Variants in CRY1 observed in about 807,000 individuals in gnomAD.
CRY1 encodes cryptochrome-1.
CRY1 carries 45 observed loss-of-function variants against 76.0 expected under a neutral mutation model. The ratio of observed to expected loss-of-function variants is 0.59; its 90% CI spans 0.47 to 0.76. CRY1 has a LOEUF of 0.76. CRY1 is among the 30% of genes least tolerant of loss of function. The probability of loss-of-function intolerance (pLI) is 0.00; values close to 1 mark genes in which losing one functional copy is unlikely to be tolerated. For missense variants in CRY1, 587 were observed against 716.4 expected (o/e 0.82, Z 2.06); for synonymous variants, 248 against 244.0 (o/e 1.02, Z -0.15).
At chr12:107,043,490 T>C (rs1952821076) in intron 1 of CRY1, among the ~76,000 whole-genome samples, 1 of 152,118 alleles carries the variant, frequency 6.6e-6, no homozygotes, top group Admixed American at 6.5e-5. Context: ...CCTCTGGGAA[T>C]AGGTGCCTTG....
At position 107,001,924 on chromosome 12, in the gene CRY1, T is replaced by C. The variant is rs542752327; in HGVS notation, c.435A>G (p.Gln145=). The C allele has an allele frequency of 7.5e-6, 12 of 1,597,238 alleles. No homozygotes were observed. Among genetic ancestry groups the C allele is most frequent in the East Asian group, 6.8e-5 (3 of 43,832 alleles). Residue 145 remains glutamine, a synonymous_variant, in exon 4 of 13, where the codon CAA becomes CAG. Transcript: ENST00000008527. ...GGAATCTTTTATAAGTTAGAGGCGG[T>C]TGTCCACCATTGAGTTCTATGATCC... ...LDKIIELNGG[Q]PPLTYKRFQT...
intron 1 of CRY1, among the ~76,000 whole-genome samples, chr12:107,064,229 T>C (rs541923593): frequency 6.6e-6 from 1 of 152,118 alleles, no homozygotes; most frequent in South Asian, 2.1e-4. Context: ...AGAGAGACAA[T>C]ATCCAGAATA....
At chr12:107,019,421 T>C (rs1356537392) in intron 2 of CRY1, among the ~76,000 whole-genome samples, 2 of 152,178 alleles carry the variant, frequency 1.3e-5, no homozygotes, top group Non-Finnish European at 2.9e-5. Flanking sequence ...ACTATATGTA[T>C]ATGTATGTGT....
chr12:107,073,164 C>T (rs1028688487), intron 1 of CRY1: 1 of 151,912 alleles, frequency 6.6e-6, no homozygotes, highest in Non-Finnish European at 1.5e-5. Flanking sequence ...AGGCTTATCG[C>T]TAATGATATA....
chr12:107,023,951 A>G (rs779427706), intron 1 of CRY1, among the ~76,000 whole-genome samples: 1 of 152,244 alleles, frequency 6.6e-6, no homozygotes, highest in Non-Finnish European at 1.5e-5. Context: ...CTGGTGACAA[A>G]TGTTTATTGG....
At chr12:107,074,695 C>T (rs892567707) in intron 1 of CRY1, among the ~76,000 whole-genome samples, 18 of 152,082 alleles carry the variant, frequency 1.2e-4, no homozygotes, top group Non-Finnish European at 2.6e-4. Flanking sequence ...TAGAAGGGAC[C>T]TTGGCAATTA....
intron 3 of CRY1, 75 bp downstream of exon 3, chr12:107,005,031 T>C (rs1029128357): frequency 3.8e-5 from 54 of 1,415,842 alleles, no homozygotes; most frequent in Non-Finnish European, 5.0e-5. Context: ...CCGAACTATA[T>C]ACTTAAAAAT....
chr12:107,004,955 T>C, intron 3 of CRY1, 151 bp downstream of exon 3: 1 of 639,038 alleles, frequency 1.6e-6, no homozygotes, highest in East Asian at 2.8e-5. Context: ...CCCATAACTC[T>C]GTGAAGTACA....
chr12:107,070,628 T>C (rs1188797960), intron 1 of CRY1, among the ~76,000 whole-genome samples: 2 of 151,856 alleles, frequency 1.3e-5, no homozygotes, highest in African/African-American at 4.8e-5. Context: ...CTAAGGCTAA[T>C]AAAAATTGTA....
Position 106,998,075 on chromosome 12 carries a change from G to GT in CRY1, c.1138-10dup, listed in dbSNP as rs763298106. 1.2e-6 allele frequency: 2 copies of GT among 1,613,834 alleles called. No homozygotes were observed. Among genetic ancestry groups the GT allele is most frequent in the Non-Finnish European group, 1.7e-6 (2 of 1,179,886 alleles). ...AATAATTCTTCAAATACCTTCAGAAGTAACAGTAACCAATTAGTTTGCACA... is the reference window on the plus strand; with the variant it reads ...AATAATTCTTCAAATACCTTCAGAAGTTAACAGTAACCAATTAGTTTGCACA... On this transcript the variant is annotated splice_polypyrimidine_tract_variant and intron_variant, in intron 7 of 12. Transcript: ENST00000008527.
intron 1 of CRY1, among the ~76,000 whole-genome samples, chr12:107,080,678 A>G (rs975913445): frequency 6.6e-6 from 1 of 152,176 alleles, no homozygotes; most frequent in African/African-American, 2.4e-5. Context: ...AAAAAAGAAA[A>G]AAGTCAGGGA....
In CRY1 at chr12:107,031,686, C is replaced by T. The variant is rs559688338; in HGVS notation, c.159-9494G>A. 8.5e-5 allele frequency among the ~76,000 whole-genome samples: 13 copies of T among 152,178 alleles called. No individual in the cohort carries two copies. In the East Asian group the frequency reaches 2.1e-3, roughly 25 times the overall value. ...TATTGTCCCCCAAACCCCCATAACC[C>T]TAGTTTAATTATCAAAAAAAATCAG... On this transcript the variant is annotated intron_variant, in intron 1 of 12. Transcript: ENST00000008527.
chr12:107,071,389 A>G (rs952651595), intron 1 of CRY1, among the ~76,000 whole-genome samples: 2 of 152,192 alleles, frequency 1.3e-5, no homozygotes, highest in Non-Finnish European at 2.9e-5. Context: ...ACATATTAAT[A>G]TATTTCCAAT....
chr12:107,077,597 T>C (rs1953272367), intron 1 of CRY1, among the ~76,000 whole-genome samples: 1 of 152,238 alleles, frequency 6.6e-6, no homozygotes, highest in Non-Finnish European at 1.5e-5. Context: ...TTATTTCTTA[T>C]TTATCATCCT....
chr12:107,062,045 GAAAA>G (rs1484314617), intron 1 of CRY1, among the ~76,000 whole-genome samples: 1 of 98,278 alleles, frequency 1.0e-5, no homozygotes, highest in South Asian at 3.3e-4. Flanking sequence ...AAAAAAAAAA[GAAAA>G]AAAGAAAAAA....
intron 2 of CRY1, among the ~76,000 whole-genome samples, chr12:107,006,948 AT>A (rs1190387412): frequency 6.6e-6 from 1 of 152,052 alleles, no homozygotes; most frequent in South Asian, 2.1e-4. Flanking sequence ...CCAGCCAGTA[AT>A]TGTTTTTAAA....
intron 1 of CRY1, among the ~76,000 whole-genome samples, chr12:107,069,715 T>G (rs1953164417): frequency 6.9e-6 from 1 of 145,350 alleles, no homozygotes; most frequent in Admixed American, 7.0e-5. Context: ...AGTGTATATA[T>G]ATAAAGTATA....
chr12:107,005,018 C>A, intron 3 of CRY1, 88 bp downstream of exon 3: 1 of 1,259,426 alleles, frequency 7.9e-7, no homozygotes. Flanking sequence ...GTAGTTAATA[C>A]CACCGAACTA....
At chr12:107,049,167 C>T (rs1952886375) in intron 1 of CRY1, among the ~76,000 whole-genome samples, 1 of 152,108 alleles carries the variant, frequency 6.6e-6, no homozygotes, top group South Asian at 2.1e-4. Context: ...TGAAATAGTC[C>T]AGGGCTCCTC....
Sources: allele counts gnomAD v4.1 joint callset (sites outside exome capture counted in the v4.1 genomes callset), GRCh38; gene constraint gnomAD v4.1.1; transcripts MANE v1.5; gene names NCBI Gene and HGNC (gene_info 2026-07-23, HGNC 2026-07-21).